GALNT15: variants seen among roughly 807,000 people sequenced by gnomAD.
GALNT15 encodes UDP-GalNAc transferase T15.
Under a neutral mutation model 66.8 loss-of-function variants are expected in GALNT15, and 67 were observed. The ratio of observed to expected loss-of-function variants is 1.00; its 90% confidence interval spans 0.82 to 1.23. GALNT15 has a LOEUF of 1.23. Ranked by LOEUF, GALNT15 falls within the 50% of genes most tolerant of loss-of-function variation. The probability of loss-of-function intolerance (pLI) is 0.00; values close to 1 mark genes in which losing one functional copy is unlikely to be tolerated. For synonymous variants in GALNT15, 313 were observed against 311.5 expected (o/e 1.00, Z -0.05); for missense variants, 827 against 804.3 (o/e 1.03, Z -0.34).
chr3:16,181,716 A>G lies in GALNT15; in HGVS notation c.539+6026A>G, dbSNP rs539529714. Among the ~76,000 whole-genome samples the G allele has an allele frequency of 5.3e-4, 80 of 152,286 alleles. No homozygotes were observed. Among genetic ancestry groups the G allele is most frequent in the African/African-American group, 1.9e-3 (77 of 41,572 alleles). On this transcript the variant is annotated intron_variant, in intron 1 of 9. Coordinates refer to ENST00000339732, the MANE Select transcript of GALNT15 (RefSeq NM_054110.5). This position sits in a 1 kb window ranked among gnomAD's most constrained non-coding sequence, Gnocchi z 5.9. ...AGACATGCCCTTCGGGATGAGGGAC[A>G]AGAACAGGAACAAGCTGGGCTTGAG...
At position 16,188,745 on chromosome 3, in the gene GALNT15, A is replaced by G. The variant is rs1309377122; in HGVS notation, c.540-7015A>G. Reference sequence around the variant, plus strand: ...CCCTCCTCCTAGTTCTGGTCTACCCACCCCTCATTCCTTAGTGCCTGAAGC... The same window carrying G: ...CCCTCCTCCTAGTTCTGGTCTACCCGCCCCTCATTCCTTAGTGCCTGAAGC... On this transcript the variant is annotated intron_variant, in intron 1 of 9. Transcript: ENST00000339732. The surrounding 1 kb of genome is among the most constrained non-coding windows in gnomAD (Gnocchi z 4.6). 2.0e-5 allele frequency among the ~76,000 whole-genome samples: 3 copies of G among 152,046 alleles called. No homozygotes were observed. Among genetic ancestry groups the G allele is most frequent in the African/African-American group, 7.2e-5 (3 of 41,396 alleles).
chr3:16,238,867 C>T, the GALNT15 span, among the ~76,000 whole-genome samples: 16 of 152,178 alleles, frequency 1.1e-4, no homozygotes, highest in Middle Eastern at 3.2e-3. The surrounding 1 kb of genome is among the most constrained non-coding windows in gnomAD (Gnocchi z 4.8). Context: ...GCAGAATAAC[C>T]AACTCCCAGG....
chr3:16,212,811 A>G (rs951929810), intron 6 of GALNT15, 48 bp downstream of exon 6: 1 of 1,534,834 alleles, frequency 6.5e-7, no homozygotes, highest in Non-Finnish European at 8.9e-7. Context: ...CAGGGCCACT[A>G]GCAGGAGGTG....
chr3:16,185,003 A>G (rs541682949), intron 1 of GALNT15, among the ~76,000 whole-genome samples: 2 of 152,196 alleles, frequency 1.3e-5, no homozygotes, highest in Non-Finnish European at 2.9e-5. Flanking sequence ...AGAAAGCCCT[A>G]GGGCCATTAG....
chr3:16,201,250 C>T (rs1017773093), intron 3 of GALNT15, among the ~76,000 whole-genome samples: 6 of 151,990 alleles, frequency 3.9e-5, no homozygotes, highest in South Asian at 2.1e-4. Context: ...GGGGCGATCT[C>T]GGCTCACTGC....
At chr3:16,197,587 C>T (rs933614840) in intron 2 of GALNT15, among the ~76,000 whole-genome samples, 14 of 152,272 alleles carry the variant, frequency 9.2e-5, no homozygotes, top group South Asian at 4.1e-4. Flanking sequence ...AAAGATGCTG[C>T]GGGTTGCCCT....
downstream of GALNT15, chr3:16,231,760 C>G (rs113438966): frequency 3.0e-5 from 44 of 1,479,638 alleles, no homozygotes; most frequent in Non-Finnish European, 3.5e-5. This position sits in a 1 kb window ranked among gnomAD's most constrained non-coding sequence, Gnocchi z 4.1. Context: ...AGTCCTTCCT[C>G]TCTCTCTCCC....
At chr3:16,207,644 G>A (rs1056933132) in intron 3 of GALNT15, among the ~76,000 whole-genome samples, 3 of 150,800 alleles carry the variant, frequency 2.0e-5, no homozygotes, top group African/African-American at 4.9e-5. Flanking sequence ...TGCATGCATT[G>A]ACAGTAGGGT....
At chr3:16,226,758 AG>A (rs2064024516) in intron 9 of GALNT15, among the ~76,000 whole-genome samples, 1 of 152,268 alleles carries the variant, frequency 6.6e-6, no homozygotes, top group Non-Finnish European at 1.5e-5. Flanking sequence ...ATGAATAAAT[AG>A]GCATTTTCAG....
the GALNT15 span, among the ~76,000 whole-genome samples, chr3:16,245,468 G>C: frequency 6.6e-6 from 1 of 152,248 alleles, no homozygotes; most frequent in African/African-American, 2.4e-5. Context: ...ACACCTGTGG[G>C]AATCCTGCCA....
chr3:16,219,209 G>T lies in GALNT15; in HGVS notation c.1393-194G>T, dbSNP rs1018901937. Among the ~76,000 whole-genome samples the T allele has an allele frequency of 1.3e-5, 2 of 152,136 alleles. No individual in the cohort carries two copies. Among genetic ancestry groups the T allele is most frequent in the African/African-American group, 4.8e-5 (2 of 41,418 alleles). On this transcript the variant is annotated intron_variant, in intron 6 of 9. Transcript: ENST00000339732. This position sits in a 1 kb window ranked among gnomAD's most constrained non-coding sequence, Gnocchi z 4.3. ...CCACAACTCTCTGTAGGGAAGATCT[G>T]TGCTATTCTATCCCTTCCAGACCTT...
rs562330429 is a variant in GALNT15 at position 16,186,815 on chromosome 3, G to A, written c.540-8945G>A. Among the ~76,000 whole-genome samples the A allele has an allele frequency of 6.6e-6, 1 of 152,298 alleles. No homozygotes were observed. The highest frequency in any genetic ancestry group is 1.5e-5 in the Non-Finnish European group (1 of 68,024). On this transcript the variant is annotated intron_variant, in intron 1 of 9. Transcript: ENST00000339732. The surrounding 1 kb of genome is among the most constrained non-coding windows in gnomAD (Gnocchi z 5.1). ...AGCAGTGGGAAGTGACTGCCAATGG[G>A]TAGTAGGTTTTTGGGGGTGGGGTGT...
Position 16,219,831 on chromosome 3 carries a change from A to G in GALNT15, c.1525-79A>G, listed in dbSNP as rs2063922238. On this transcript the variant is annotated intron_variant, in intron 7 of 9. Transcript: ENST00000339732. This position sits in a 1 kb window ranked among gnomAD's most constrained non-coding sequence, Gnocchi z 4.3. Reference sequence around the variant, plus strand: ...CCTTGGGCTGCACTCCAGAGAATACAGCAAAGGAATGGTGTCTGACCGAGG... The same window carrying G: ...CCTTGGGCTGCACTCCAGAGAATACGGCAAAGGAATGGTGTCTGACCGAGG... 8.3e-7 allele frequency: 1 copy of G among 1,207,312 alleles called. No homozygotes were observed. Among genetic ancestry groups the G allele is most frequent in the African/African-American group, 1.5e-5 (1 of 66,988 alleles). 74.8% of individuals were successfully genotyped at this position (1,207,312 alleles called of 1,614,324 possible).
intron 1 of GALNT15, among the ~76,000 whole-genome samples, chr3:16,194,150 C>G (rs1307344526): frequency 6.6e-6 from 1 of 152,194 alleles, no homozygotes; most frequent in Admixed American, 6.5e-5. Flanking sequence ...TCCCTTCCCT[C>G]GAAGCCTCCG....
Position 16,211,377 on chromosome 3 carries a change from G to A in GALNT15, c.1197+136G>A. 1 of 618,862 alleles carries A rather than the reference G, an allele frequency of 1.6e-6. No homozygotes were observed. Among genetic ancestry groups the A allele is most frequent in the Non-Finnish European group, 2.9e-6 (1 of 344,722 alleles). The allele number at this position is 618,862 out of a possible 1,614,324, so 38.3% of individuals were successfully genotyped here. A position where few individuals can be genotyped will look rare whatever the true frequency, so the allele number is the denominator to read the frequency against. The stretch of plus-strand genomic sequence containing the variant: ...AAAATTATAAAGTCATTCCTGTGTT[G>A]TGTGTCAAACCTCCCATTTCTCACA... On this transcript the variant is annotated intron_variant, in intron 5 of 9. Transcript: ENST00000339732. This position sits in a 1 kb window ranked among gnomAD's most constrained non-coding sequence, Gnocchi z 4.3.
rs2063721642 is a variant in GALNT15 at position 16,203,348 on chromosome 3, C to G, written c.911+2525C>G. Among the ~76,000 whole-genome samples, 1 of 152,038 alleles carries G rather than the reference C, an allele frequency of 6.6e-6. No homozygotes were observed. Among genetic ancestry groups the G allele is most frequent in the African/African-American group, 2.4e-5 (1 of 41,360 alleles). On this transcript the variant is annotated intron_variant, in intron 3 of 9. Transcript: ENST00000339732. This position sits in a 1 kb window ranked among gnomAD's most constrained non-coding sequence, Gnocchi z 6.2. Reference sequence around the variant, plus strand: ...TAGGTGAAGGTAGAAAGACGTGGCACTACCTCAGTGTCCTAGGCTAGAAAG... The same window carrying G: ...TAGGTGAAGGTAGAAAGACGTGGCAGTACCTCAGTGTCCTAGGCTAGAAAG...
chr3:16,218,404 T>C (rs151043498), intron 6 of GALNT15, among the ~76,000 whole-genome samples: 355 of 152,264 alleles, frequency 2.3e-3, no homozygotes, highest in Admixed American at 4.0e-3. Context: ...ACCTCTCTCT[T>C]CCCTAAAAGT....
At position 16,176,371 on chromosome 3, in the gene GALNT15, A is replaced by T. The variant is rs547171982; in HGVS notation, c.539+681A>T. 2.3e-3 allele frequency among the ~76,000 whole-genome samples: 346 copies of T among 152,342 alleles called. 1 individual carries two copies. The highest frequency in any genetic ancestry group is 8.0e-3 in the African/African-American group (333 of 41,572). ...CAGTCACGCTGCTAGTAGGTAACAA[A>T]GTCAGGATTTGAATGCAGGCATGTG... On this transcript the variant is annotated intron_variant, in intron 1 of 9. Coordinates refer to ENST00000339732, the MANE Select transcript of GALNT15 (RefSeq NM_054110.5). This position sits in a 1 kb window ranked among gnomAD's most constrained non-coding sequence, Gnocchi z 5.6.
At chr3:16,233,169 C>G (rs928375256), downstream of GALNT15, among the ~76,000 whole-genome samples, 8 of 130,794 alleles carry the variant, frequency 6.1e-5, no homozygotes, top group African/African-American at 2.1e-4. Context: ...GATCTTGATT[C>G]ACTGCAAACT....
Sources: allele counts gnomAD v4.1 joint callset (sites outside exome capture counted in the v4.1 genomes callset), GRCh38; gene constraint gnomAD v4.1.1; non-coding constraint Gnocchi (gnomAD v3.1); transcripts MANE v1.5; gene names NCBI Gene and HGNC (gene_info 2026-07-23, HGNC 2026-07-21).